The following IFNG-AS1 variants were observed in gnomAD, a reference collection of about 807,000 sequenced individuals.
The protein encoded by IFNG-AS1 is IFNG antisense RNA 1 (non-protein coding).
intron 3 of IFNG-AS1, among the ~76,000 whole-genome samples, chr12:68,015,837 A>G (rs937308688): frequency 4.6e-5 from 7 of 152,054 alleles, no homozygotes; most frequent in Non-Finnish European, 1.5e-5. Context: ...TAACTTACCC[A>G]CCAGTATAGC....
At position 67,990,290 on chromosome 12, in the gene IFNG-AS1, C is replaced by T. The variant is rs191680700; in HGVS notation, n.51+711C>T. The stretch of plus-strand genomic sequence containing the variant: ...AATGTTCTTTTTTTCTGAAATGAAA[C>T]TAAAAACAATATCTACAAAGTCAAG... On this transcript the variant is annotated intron_variant and non_coding_transcript_variant, in intron 1 of 5. Transcript: ENST00000536914. Among the ~76,000 whole-genome samples, 171 of 152,196 alleles carry T rather than the reference C, an allele frequency of 1.1e-3. No homozygotes were observed. The Middle Eastern group carries it at 0.024, about 21-fold the overall frequency.
intron 1 of IFNG-AS1, among the ~76,000 whole-genome samples, chr12:67,992,365 G>A (rs1260148337): frequency 6.6e-6 from 1 of 152,100 alleles, no homozygotes; most frequent in African/African-American, 2.4e-5. Context: ...GGAATCTTGG[G>A]TTGTTTAAAA....
intron 3 of IFNG-AS1, among the ~76,000 whole-genome samples, chr12:68,013,977 T>C (rs1360171672): frequency 6.6e-6 from 1 of 152,208 alleles, no homozygotes; most frequent in African/African-American, 2.4e-5. Context: ...AAGTCCATTG[T>C]ATCATTCTTA....
At chr12:68,017,261 G>A (rs1170978007) in intron 3 of IFNG-AS1, among the ~76,000 whole-genome samples, 1 of 152,148 alleles carries the variant, frequency 6.6e-6, no homozygotes, top group Admixed American at 6.5e-5. Context: ...AAATAAGCAT[G>A]GGCTTAACCG....
intron 2 of IFNG-AS1, among the ~76,000 whole-genome samples, chr12:68,003,316 G>A (rs1055971810): frequency 2.0e-5 from 3 of 151,952 alleles, no homozygotes; most frequent in Non-Finnish European, 4.4e-5. Flanking sequence ...TCTTATTGTT[G>A]TGATACCTTT....
At chr12:68,017,341 C>A (rs1665416925) in intron 3 of IFNG-AS1, among the ~76,000 whole-genome samples, 1 of 152,128 alleles carries the variant, frequency 6.6e-6, no homozygotes, top group Admixed American at 6.6e-5. Context: ...CATGGGAAGA[C>A]TTTGGGCTGG....
At chr12:68,002,910 A>G (rs2120440197) in intron 2 of IFNG-AS1, among the ~76,000 whole-genome samples, 1 of 152,354 alleles carries the variant, frequency 6.6e-6, no homozygotes, top group East Asian at 1.9e-4. Flanking sequence ...CTCTCTAAGT[A>G]GGTAAAAGTA....
chr12:68,001,277 T>C (rs1879762541), intron 2 of IFNG-AS1: 1 of 152,740 alleles, frequency 6.5e-6, no homozygotes, highest in African/African-American at 2.4e-5. Context: ...GATAAAACAT[T>C]TTTTCATTAA....
chr12:68,015,064 AGCCCAGGGCATG>A (rs908546325), intron 3 of IFNG-AS1, among the ~76,000 whole-genome samples: 2 of 152,212 alleles, frequency 1.3e-5, no homozygotes, highest in African/African-American at 4.8e-5. Flanking sequence ...GCATTTTCCT[AGCCCAGGGCATG>A]GCCCAGGGCA....
intron 2 of IFNG-AS1, chr12:68,001,446 T>G (rs1442465624): frequency 4.2e-6 from 1 of 238,266 alleles, no homozygotes; most frequent in Non-Finnish European, 8.6e-6. Flanking sequence ...TCGTAGGTGC[T>G]CTTATTACCA....
intron 1 of IFNG-AS1, among the ~76,000 whole-genome samples, chr12:67,994,935 G>C (rs1879599524): frequency 6.6e-6 from 1 of 152,246 alleles, no homozygotes; most frequent in Non-Finnish European, 1.5e-5. Context: ...TCCAGAAAGT[G>C]GTGAAACTAA....
chr12:67,993,421 T>G (rs781510080), intron 1 of IFNG-AS1, among the ~76,000 whole-genome samples: 1 of 152,198 alleles, frequency 6.6e-6, no homozygotes, highest in African/African-American at 2.4e-5. Context: ...TTGAGGAATC[T>G]TAAGTGATCT....
chr12:67,995,010 A>G (rs1455709261), intron 1 of IFNG-AS1, among the ~76,000 whole-genome samples: 1 of 152,262 alleles, frequency 6.6e-6, no homozygotes, highest in East Asian at 1.9e-4. Context: ...GAAGCTCAAT[A>G]AACAATTACT....
intron 1 of IFNG-AS1, chr12:67,989,620 T>C (rs1040082174): frequency 1.3e-5 from 2 of 152,194 alleles, no homozygotes; most frequent in Non-Finnish European, 2.9e-5. Flanking sequence ...GTAAATTACA[T>C]TTTTAAACAA....
chr12:68,015,218 C>T (rs1297022670), intron 3 of IFNG-AS1, among the ~76,000 whole-genome samples: 1 of 152,076 alleles, frequency 6.6e-6, no homozygotes, highest in African/African-American at 2.4e-5. Context: ...CAGGCAGGGG[C>T]TTCAACTCGG....
intron 3 of IFNG-AS1, among the ~76,000 whole-genome samples, chr12:68,015,408 G>T (rs535989952): frequency 9.3e-4 from 141 of 152,300 alleles, no homozygotes; most frequent in Middle Eastern, 6.8e-3. Context: ...GACACTTGCT[G>T]ATCTTTTCAC....
chr12:68,015,140 C>G (rs929866066), intron 3 of IFNG-AS1, among the ~76,000 whole-genome samples: 1 of 152,076 alleles, frequency 6.6e-6, no homozygotes, highest in Admixed American at 6.5e-5. Flanking sequence ...TCAAAAACAC[C>G]GTAAGACCTC....
At chr12:68,008,415 CAA>C (rs11295864) in intron 3 of IFNG-AS1, among the ~76,000 whole-genome samples, 2,010 of 144,726 alleles carry the variant, frequency 0.014, 27 homozygotes, top group African/African-American at 0.037. Flanking sequence ...GACACCATCT[CAA>C]AAAAAAAAAA....
intron 2 of IFNG-AS1, among the ~76,000 whole-genome samples, chr12:67,999,481 G>T (rs1879717599): frequency 6.6e-6 from 1 of 152,164 alleles, no homozygotes. Context: ...AGAACAAAAT[G>T]GTGGACACAT....
Sources: allele counts gnomAD v4.1 joint callset (sites outside exome capture counted in the v4.1 genomes callset), GRCh38; gene constraint gnomAD v4.1.1; transcripts MANE v1.5; gene names NCBI Gene and HGNC (gene_info 2026-07-23, HGNC 2026-07-21).